The following PCDH11Y variants were observed in gnomAD, a reference collection of about 807,000 sequenced individuals.
The protein encoded by PCDH11Y is protocadherin-11 Y-linked.
For synonymous variants in PCDH11Y, 9 were observed against 83.6 expected (o/e 0.11, Z 4.87); for missense variants, 12 against 224.8 (o/e 0.05, Z 6.05).
chrY:5,498,671 G>A, intron 2 of PCDH11Y, among the ~76,000 whole-genome samples: 1 of 33,682 alleles, frequency 3.0e-5, no homozygotes, highest in African/African-American at 1.2e-4. Flanking sequence ...TCTTTTCACT[G>A]TGGGTTCTAG....
chrY:5,651,072 A>C, intron 4 of PCDH11Y, among the ~76,000 whole-genome samples: 1 of 33,204 alleles, frequency 3.0e-5, no homozygotes, highest in Non-Finnish European at 7.5e-5. Flanking sequence ...ACTAGTGTGG[A>C]TAATATAATG....
intron 2 of PCDH11Y, among the ~76,000 whole-genome samples, chrY:5,115,460 A>T: frequency 3.2e-5 from 1 of 31,480 alleles, no homozygotes; most frequent in Non-Finnish European, 7.5e-5. Flanking sequence ...AATAGAAATC[A>T]TTGTGTCTCT....
chrY:5,580,505 G>T, intron 3 of PCDH11Y, among the ~76,000 whole-genome samples: 1 of 32,602 alleles, frequency 3.1e-5, no homozygotes, highest in Non-Finnish European at 7.6e-5. Flanking sequence ...GTGTGTGTTT[G>T]TGTGTTTCTT....
chrY:5,546,875 G>A, intron 3 of PCDH11Y, among the ~76,000 whole-genome samples: 1 of 33,179 alleles, frequency 3.0e-5, no homozygotes, highest in Non-Finnish European at 7.5e-5. Context: ...TATAATGTAT[G>A]TAAAGCTCCT....
chrY:5,644,756 C>A, intron 4 of PCDH11Y, among the ~76,000 whole-genome samples: 3 of 29,385 alleles, frequency 1.0e-4, no homozygotes, highest in South Asian at 8.1e-4. Context: ...ATTGCTTGAA[C>A]CCAGGAGGCA....
At chrY:5,327,255 C>G in intron 2 of PCDH11Y, among the ~76,000 whole-genome samples, 1 of 32,481 alleles carries the variant, frequency 3.1e-5, no homozygotes, top group Non-Finnish European at 7.5e-5. Context: ...TGCAAAGGAA[C>G]AGTAAAGAAA....
intron 2 of PCDH11Y, among the ~76,000 whole-genome samples, chrY:5,261,919 C>A: frequency 9.2e-5 from 3 of 32,609 alleles, no homozygotes; most frequent in Admixed American, 5.7e-4. Context: ...CAGCTTCATC[C>A]ATGTCCCTGC....
chrY:5,410,971 T>C lies in PCDH11Y; in HGVS notation c.3130-90086T>C, dbSNP rs1602921688. On this transcript the variant is annotated intron_variant, in intron 2 of 4. Coordinates refer to the PCDH11Y transcript ENST00000400457. ...TTAGGTAGTTCCATGTATTTGTTACTGTGACTAGTGCAGCAATGAACATCC... is the reference window on the plus strand; with the variant it reads ...TTAGGTAGTTCCATGTATTTGTTACCGTGACTAGTGCAGCAATGAACATCC... Among the ~76,000 whole-genome samples, 17 of 27,259 alleles carry C rather than the reference T, an allele frequency of 6.2e-4. No homozygotes were observed. The East Asian group carries it at 9.7e-3, about 16-fold the overall frequency. 73.1% of individuals were successfully genotyped at this position (27,259 alleles called of 37,273 possible).
At position 5,195,752 on chromosome Y, in the gene PCDH11Y, G is replaced by A. The variant is rs12057133; in HGVS notation, c.3129+95045G>A. Among the ~76,000 whole-genome samples the A allele has an allele frequency of 4.9e-3, 161 of 32,764 alleles. No homozygotes were observed. The East Asian group carries it at 0.12, about 24-fold the overall frequency. The allele number at this position is 32,764 out of a possible 37,273, so 87.9% of individuals were successfully genotyped here. A position where few individuals can be genotyped will look rare whatever the true frequency, so the allele number is the denominator to read the frequency against. ...AAAGGAGCAGAGAATTCATTTATGTGTACCTGGGGTCTTGATTATTACAAA... is the reference window on the plus strand; with the variant it reads ...AAAGGAGCAGAGAATTCATTTATGTATACCTGGGGTCTTGATTATTACAAA... On this transcript the variant is annotated intron_variant, in intron 2 of 4. Coordinates refer to the PCDH11Y transcript ENST00000400457.
At chrY:5,672,620 G>A (rs2053550583) in intron 4 of PCDH11Y, among the ~76,000 whole-genome samples, 1 of 31,849 alleles carries the variant, frequency 3.1e-5, no homozygotes, top group Non-Finnish European at 7.7e-5. Context: ...CAGTTGTAGC[G>A]TCTTCTTTAG....
chrY:5,348,707 A>C, intron 2 of PCDH11Y, among the ~76,000 whole-genome samples: 2 of 33,408 alleles, frequency 6.0e-5, no homozygotes, highest in Non-Finnish European at 1.5e-4. Flanking sequence ...CTATTAAGTC[A>C]GTTCTGTTGT....
chrY:5,132,180 G>A (rs2052835058), intron 2 of PCDH11Y, among the ~76,000 whole-genome samples: 1 of 31,090 alleles, frequency 3.2e-5, no homozygotes, highest in African/African-American at 1.3e-4. Flanking sequence ...ATTAAGATAC[G>A]ATATTTATGA....
intron 2 of PCDH11Y, among the ~76,000 whole-genome samples, chrY:5,343,545 G>C: frequency 3.2e-5 from 1 of 30,923 alleles, no homozygotes; most frequent in Non-Finnish European, 7.9e-5. Flanking sequence ...GAGCCACCAC[G>C]CCCGGCCAGT....
intron 3 of PCDH11Y, among the ~76,000 whole-genome samples, chrY:5,536,819 G>A: frequency 3.1e-5 from 1 of 32,417 alleles, no homozygotes; most frequent in African/African-American, 1.2e-4. Flanking sequence ...TGTTGAATAG[G>A]GTATAATTTC....
At chrY:5,255,500 C>A (rs2124657391) in intron 2 of PCDH11Y, among the ~76,000 whole-genome samples, 1 of 33,331 alleles carries the variant, frequency 3.0e-5, no homozygotes, top group Non-Finnish European at 7.5e-5. Context: ...AGTGCTGCAA[C>A]AAACATGGGG....
chrY:5,651,113 T>C (rs2053531137), intron 4 of PCDH11Y, among the ~76,000 whole-genome samples: 1 of 33,371 alleles, frequency 3.0e-5, no homozygotes, highest in Non-Finnish European at 7.4e-5. Flanking sequence ...TAAGAATAAA[T>C]AGAATTTTTG....
chrY:5,527,839 G>T, intron 3 of PCDH11Y, among the ~76,000 whole-genome samples: 2 of 32,735 alleles, frequency 6.1e-5, no homozygotes, highest in Non-Finnish European at 1.5e-4. Flanking sequence ...GGAACAAGAG[G>T]AAATAGAATT....
At chrY:5,125,054 G>A in intron 2 of PCDH11Y, among the ~76,000 whole-genome samples, 5 of 32,645 alleles carry the variant, frequency 1.5e-4, no homozygotes, top group Non-Finnish European at 3.8e-4. Context: ...TACATGCAAG[G>A]TATGGTGCCA....
intron 1 of PCDH11Y, among the ~76,000 whole-genome samples, chrY:5,003,704 C>T: frequency 3.0e-5 from 1 of 33,864 alleles, no homozygotes; most frequent in African/African-American, 1.2e-4. Context: ...CGGAAGCCCG[C>T]TGCGGCTTCC....
Sources: allele counts gnomAD v4.1 joint callset (sites outside exome capture counted in the v4.1 genomes callset), GRCh38; gene constraint gnomAD v4.1.1; transcripts MANE v1.5; gene names NCBI Gene and HGNC (gene_info 2026-07-23, HGNC 2026-07-21).